THRAP3: variants seen among roughly 807,000 people sequenced by gnomAD.
THRAP3 encodes the protein thyroid hormone receptor-associated protein 3.
THRAP3 carries 16 observed loss-of-function variants against 101.0 expected under a neutral mutation model. The observed-to-expected ratio is 0.16, with a 90% CI of 0.11 to 0.24. The LOEUF is 0.24. Among genes scored for constraint, THRAP3 ranks in the 10% least tolerant of loss-of-function variants. The pLI is 1.00. For synonymous variants in THRAP3, 407 were observed against 422.6 expected, an observed-to-expected ratio of 0.96 and a Z score of 0.45; for missense variants, 989 against 1,202.7, an observed-to-expected ratio of 0.82 and a Z score of 2.63.
At chr1:36,298,280 A>G (rs534093427) in intron 9 of THRAP3, among the ~76,000 whole-genome samples, 2 of 152,268 alleles carry the variant, frequency 1.3e-5, no homozygotes, top group East Asian at 1.9e-4. Flanking sequence ...GCCCATAGAT[A>G]AAGAACCTGC....
At chr1:36,294,363 C>T (rs559565924) in intron 8 of THRAP3, 2 of 373,640 alleles carry the variant, frequency 5.4e-6, no homozygotes, top group East Asian at 1.6e-4. Flanking sequence ...TTTTAAACAG[C>T]TGGTCCAGTT....
At chr1:36,292,256 C>CTTG (rs1645881411) in intron 6 of THRAP3, among the ~76,000 whole-genome samples, 4 of 54,524 alleles carry the variant, frequency 7.3e-5, no homozygotes, top group Non-Finnish European at 7.0e-5. Context: ...TAATGTGTTT[C>CTTG]TTTGTTTCTT....
intron 1 of THRAP3, among the ~76,000 whole-genome samples, chr1:36,234,807 C>CT (rs35278020): frequency 0.024 from 1,767 of 72,380 alleles, 46 homozygotes; most frequent in South Asian, 0.068. Flanking sequence ...CTGTTTCAGT[C>CT]TTTTTTTTTT....
rs58012357 is a variant in THRAP3, at chr1:36,280,602, A to G, written c.-31-1931A>G. ...ACAAGAGGCAGCATTACTTGGCAGA[A>G]TCTCGCTAGGCAGCAAAGTGTGATA... On this transcript the variant is annotated intron_variant, in intron 2 of 11. Coordinates refer to ENST00000354618, the MANE Select transcript of THRAP3 (RefSeq NM_005119.4). Among the ~76,000 whole-genome samples the G allele has an allele frequency of 9.3e-3, 1,415 of 152,328 alleles. 25 individuals are homozygous for G. Among genetic ancestry groups the G allele is most frequent in the African/African-American group, 0.032 (1,328 of 41,560 alleles).
chr1:36,212,635 G>C, the THRAP3 span, among the ~76,000 whole-genome samples: 2 of 152,058 alleles, frequency 1.3e-5, no homozygotes, highest in South Asian at 2.1e-4. Flanking sequence ...GGCCACACTG[G>C]TCTCGAATTC....
chr1:36,221,420 A>G (rs1644902198), upstream of THRAP3, among the ~76,000 whole-genome samples: 1 of 152,042 alleles, frequency 6.6e-6, no homozygotes, highest in African/African-American at 2.4e-5. Flanking sequence ...GAAAAAAAAA[A>G]GAAAGGAAGA....
intron 2 of THRAP3, among the ~76,000 whole-genome samples, chr1:36,270,405 G>A (rs1273286272): frequency 1.3e-5 from 2 of 151,636 alleles, no homozygotes; most frequent in Non-Finnish European, 2.9e-5. Flanking sequence ...ACACACACAC[G>A]CACACAGGCA....
the THRAP3 span, among the ~76,000 whole-genome samples, chr1:36,217,984 G>A: frequency 2.6e-5 from 4 of 152,162 alleles, no homozygotes; most frequent in Admixed American, 2.0e-4. Context: ...TAAGCTTAAT[G>A]AGGAAGGGAT....
chr1:36,253,127 G>T (rs898552667), intron 1 of THRAP3, among the ~76,000 whole-genome samples: 1 of 143,358 alleles, frequency 7.0e-6, no homozygotes, highest in African/African-American at 2.6e-5. Flanking sequence ...CTGTCGTGAA[G>T]TTTTATGTGT....
chr1:36,235,578 TC>T (rs1217179480), intron 1 of THRAP3, among the ~76,000 whole-genome samples: 1 of 152,178 alleles, frequency 6.6e-6, no homozygotes, highest in Non-Finnish European at 1.5e-5. Context: ...ACCATTTTCT[TC>T]CTGAGATTTC....
intron 2 of THRAP3, among the ~76,000 whole-genome samples, chr1:36,275,568 C>G (rs1373430412): frequency 8.3e-6 from 1 of 119,910 alleles, no homozygotes; most frequent in Non-Finnish European, 1.6e-5. Context: ...GCCTGGGTGA[C>G]AGAGCAAGAC....
At chr1:36,258,324 C>T (rs149476285) in intron 1 of THRAP3, among the ~76,000 whole-genome samples, 1 of 152,258 alleles carries the variant, frequency 6.6e-6, no homozygotes, top group Non-Finnish European at 1.5e-5. Context: ...TAGAAGAATA[C>T]ATAGCGAGAA....
At chr1:36,258,518 C>G (rs1057329733) in intron 1 of THRAP3, among the ~76,000 whole-genome samples, 3 of 152,126 alleles carry the variant, frequency 2.0e-5, no homozygotes, top group Non-Finnish European at 4.4e-5. Context: ...CTCTGTCCCC[C>G]AGGCTGGAGT....
the THRAP3 span, among the ~76,000 whole-genome samples, chr1:36,214,723 G>A: frequency 6.6e-6 from 1 of 151,956 alleles, no homozygotes; most frequent in Admixed American, 6.6e-5. Flanking sequence ...GCCGAGCATG[G>A]TGGCACATGC....
intron 1 of THRAP3, among the ~76,000 whole-genome samples, chr1:36,238,443 A>G (rs1645116546): frequency 6.6e-6 from 1 of 152,168 alleles, no homozygotes; most frequent in Admixed American, 6.5e-5. Context: ...TTTAATTCCT[A>G]TCCAGATTAT....
At chr1:36,243,803 C>CG (rs574837843) in intron 1 of THRAP3, among the ~76,000 whole-genome samples, 137,741 of 138,164 alleles carry the variant, frequency 1, 68,661 homozygotes, top group Non-Finnish European at 1. Flanking sequence ...ACCTCCCGGA[C>CG]GGGCGGCTGG....
intron 1 of THRAP3, among the ~76,000 whole-genome samples, chr1:36,238,004 T>C (rs758543598): frequency 5.9e-5 from 9 of 152,110 alleles, no homozygotes; most frequent in African/African-American, 1.4e-4. Flanking sequence ...AAAATTTTTT[T>C]TTCTTTTTTT....
In THRAP3 at chr1:36,289,677, A is replaced by G. The variant is rs749333202; in HGVS notation, c.1658A>G (p.Asp553Gly). The change falls in exon 5 of 12, where the codon GAT becomes GGT. Residue 553 changes from aspartate (D) to glycine (G), a missense_variant. Coordinates refer to ENST00000354618, the MANE Select transcript of THRAP3 (RefSeq NM_005119.4). Reference protein sequence around the residue: ...ESRDKLGAKGDFPTGKSSFSI... With the variant: ...ESRDKLGAKGGFPTGKSSFSI... ...CGAGACAAGCTGGGAGCGAAAGGAG[A>G]TTTTCCCACAGGAAAGTCTTCCTTT... is the stretch of plus-strand genomic sequence containing the variant. The G allele has an allele frequency of 2.2e-5, 36 of 1,613,958 alleles. No individual in the cohort carries two copies. The highest frequency in any genetic ancestry group is 3.0e-5 in the Non-Finnish European group (35 of 1,179,978).
the THRAP3 span, among the ~76,000 whole-genome samples, chr1:36,215,189 A>G: frequency 1.3e-5 from 2 of 152,034 alleles, no homozygotes; most frequent in East Asian, 3.9e-4. Context: ...GCGCCACTGC[A>G]CTCCAGCCTG....
Sources: gnomAD v4.1 joint callset for allele counts (sites outside exome capture counted in the v4.1 genomes callset) on GRCh38, gnomAD v4.1.1 for gene constraint, MANE v1.5 for transcripts, NCBI Gene and HGNC (gene_info 2026-07-23, HGNC 2026-07-21) for gene names.